Variants in ZNF207 observed in about 807,000 individuals in gnomAD.
The protein encoded by ZNF207 is zinc finger protein 207.
Under a neutral mutation model 60.2 loss-of-function variants are expected in ZNF207, and 24 were observed. The ratio of observed to expected loss-of-function variants is 0.40; its 90% CI spans 0.29 to 0.56. The LOEUF (loss-of-function observed/expected upper bound fraction) is 0.56, where lower values mean the gene tolerates loss of function less well. Among genes scored for constraint, ZNF207 ranks in the 20% least tolerant of loss-of-function variants. ZNF207 has a pLI of 0.49. For synonymous variants in ZNF207, 236 were observed against 194.7 expected (o/e 1.21, Z -1.77); for missense variants, 452 against 636.6 (o/e 0.71, Z 3.12).
chr17:32,351,419 G>A (rs1020988164), intron 1 of ZNF207: 2 of 1,295,288 alleles, frequency 1.5e-6, no homozygotes, highest in African/African-American at 3.0e-5. Context: ...TAATTGTCTT[G>A]ACAGAACCTT....
At position 32,350,188 on chromosome 17, in the gene ZNF207, C is replaced by T. The variant is rs756852155; in HGVS notation, c.-98C>T. On this transcript the variant is annotated 5_prime_UTR_variant, in exon 1 of 12. In the 5' UTR this introduces an upstream ATG that the reference lacks. Coordinates refer to ENST00000394670, the MANE Select transcript of ZNF207 (RefSeq NM_001098507.2). ...CATTTTGTGTCTGCTTCCTGTGGGA[C>T]GTGGTGGTAGCCGTTGGGTTGGGAA... 44 of 1,555,788 alleles carry T rather than the reference C, an allele frequency of 2.8e-5. No homozygotes were observed. Among genetic ancestry groups the T allele is most frequent in the East Asian group, 1.4e-4 (6 of 44,338 alleles).
At chr17:32,362,226 G>A (rs998564060) in intron 6 of ZNF207, among the ~76,000 whole-genome samples, 3 of 152,042 alleles carry the variant, frequency 2.0e-5, no homozygotes, top group Non-Finnish European at 4.4e-5. Context: ...CGCAGTCACA[G>A]CTTACTGCAG....
chr17:32,362,155 TG>T, intron 6 of ZNF207, among the ~76,000 whole-genome samples: 1 of 151,250 alleles, frequency 6.6e-6, no homozygotes, highest in South Asian at 2.1e-4. Flanking sequence ...TGTGTGTGTG[TG>T]TATATGTATG....
rs1433285967 is a variant in ZNF207 at position 32,371,091 on chromosome 17, TTAAAA to T, written c.*1336_*1340del. 5.3e-5 allele frequency: 8 copies of T among 152,232 alleles called. No homozygotes were observed. The highest frequency in any genetic ancestry group is 8.8e-5 in the Non-Finnish European group (6 of 68,040). The allele number at this position is 152,232 out of a possible 1,614,324, so 9.4% of individuals were successfully genotyped here. On this transcript the variant is annotated 3_prime_UTR_variant, in exon 12 of 12. Coordinates refer to ENST00000394670, the MANE Select transcript of ZNF207 (RefSeq NM_001098507.2). The stretch of plus-strand genomic sequence containing the variant: ...ATTCAATATTTTGTGTTGCAACCTC[TTAAAA>T]TAATAGCTCTTGTTGACCTTTTTGG...
Position 32,373,449 on chromosome 17 carries a change from C to CT in ZNF207, c.*3691dup, listed in dbSNP as rs1905553260. The CT allele has an allele frequency of 1.6e-6, 1 of 641,502 alleles. No homozygotes were observed. Among genetic ancestry groups the CT allele is most frequent in the Non-Finnish European group, 2.8e-6 (1 of 353,054 alleles). The allele number at this position is 641,502 out of a possible 1,614,324, so 39.7% of individuals were successfully genotyped here. A position where few individuals can be genotyped will look rare whatever the true frequency, so the allele number is the denominator to read the frequency against. On this transcript the variant is annotated 3_prime_UTR_variant, in exon 12 of 12. Transcript: ENST00000394670. ...GAGTCTCAGTGTTGCCCTGTTCAGT[C>CT]TGAGGCAAGTGGGATTTATTTTATT...
chr17:32,373,329 A>T lies in ZNF207; in HGVS notation c.*3570A>T, dbSNP rs540745138. 3.5e-4 allele frequency: 219 copies of T among 630,642 alleles called. No individual in the cohort carries two copies. The highest frequency in any genetic ancestry group is 3.2e-3 in the African/African-American group (172 of 54,148). The allele number at this position is 630,642 out of a possible 1,614,324, so 39.1% of individuals were successfully genotyped here. A position where few individuals can be genotyped will look rare whatever the true frequency, so the allele number is the denominator to read the frequency against. ...ATCATTGGGATTTTTAAAAAAAAAAATTTTAATGCATGTCTTTTAAATTAA... is the reference window on the plus strand; with the variant it reads ...ATCATTGGGATTTTTAAAAAAAAAATTTTTAATGCATGTCTTTTAAATTAA... On this transcript the variant is annotated 3_prime_UTR_variant, in exon 12 of 12. Coordinates refer to ENST00000394670, the MANE Select transcript of ZNF207 (RefSeq NM_001098507.2).
Position 32,367,851 on chromosome 17 carries a change from C to T in ZNF207, c.1001C>T (p.Pro334Leu), listed in dbSNP as rs748546549. The change falls in exon 10 of 12, where the codon CCA becomes CTA. Residue 334 changes from proline to leucine, a missense_variant. Physicochemically the swap from Pro to Leu is moderately conservative, Grantham distance 98. Coordinates refer to ENST00000394670, the MANE Select transcript of ZNF207 (RefSeq NM_001098507.2). Reference sequence around the variant, plus strand: ...ACCCCTGCAACAACTACAGAACCCCCAAAGCCTACATTCCCTGCTTATACA... The same window carrying T: ...ACCCCTGCAACAACTACAGAACCCCTAAAGCCTACATTCCCTGCTTATACA... ...NSTPATTTEP[P>L]KPTFPAYTQS... is the part of the protein sequence containing the mutation. The T allele has an allele frequency of 6.2e-7, 1 of 1,614,150 alleles. No homozygotes were observed. The highest frequency in any genetic ancestry group is 1.1e-5 in the South Asian group (1 of 91,088).
chr17:32,357,607 A>G (rs1904622740), intron 2 of ZNF207, among the ~76,000 whole-genome samples: 1 of 151,392 alleles, frequency 6.6e-6, no homozygotes, highest in Admixed American at 6.6e-5. Context: ...TCGGCCTCCC[A>G]AAGTGCTGGG....
chr17:32,366,188 A>T (rs184257968), intron 8 of ZNF207, among the ~76,000 whole-genome samples: 6 of 152,154 alleles, frequency 3.9e-5, no homozygotes, highest in East Asian at 3.9e-4. Context: ...AGATTTTTTT[A>T]AATTGCTTTT....
chr17:32,354,040 A>G (rs1679478901), intron 2 of ZNF207, among the ~76,000 whole-genome samples: 1 of 151,742 alleles, frequency 6.6e-6, no homozygotes, highest in African/African-American at 2.4e-5. Flanking sequence ...TGGAGTGCAG[A>G]TCATAGCTCA....
At chr17:32,367,242 TATA>T (rs1905212776) in intron 9 of ZNF207, among the ~76,000 whole-genome samples, 2 of 43,870 alleles carry the variant, frequency 4.6e-5, no homozygotes, top group South Asian at 7.8e-4. Context: ...GAGGGGATTA[TATA>T]TATATATATA....
rs1905536069 is a variant in ZNF207 at position 32,372,956 on chromosome 17, CT to C, written c.*3201del. 1.3e-5 allele frequency: 2 copies of C among 152,536 alleles called. No homozygotes were observed. Among genetic ancestry groups the C allele is most frequent in the Admixed American group, 6.5e-5 (1 of 15,274 alleles). The allele number at this position is 152,536 out of a possible 1,614,324, so 9.4% of individuals were successfully genotyped here. A position where few individuals can be genotyped will look rare whatever the true frequency, so the allele number is the denominator to read the frequency against. ...CTTTGGCTCTACCTTACATCCACCCCTTTTAGAAAAACAAGAAAACATTTTG... is the reference window on the plus strand; with the variant it reads ...CTTTGGCTCTACCTTACATCCACCCCTTTAGAAAAACAAGAAAACATTTTG... On this transcript the variant is annotated 3_prime_UTR_variant, in exon 12 of 12. Coordinates refer to ENST00000394670, the MANE Select transcript of ZNF207 (RefSeq NM_001098507.2).
In ZNF207 at chr17:32,380,542, TCTG is replaced by T. The variant is rs1169764946; in HGVS notation, c.*10784_*10786del. 6 of 152,246 alleles carry T rather than the reference TCTG, an allele frequency of 3.9e-5. No homozygotes were observed. The highest frequency in any genetic ancestry group is 1.4e-4 in the African/African-American group (6 of 41,472). 9.4% of individuals were successfully genotyped at this position (152,246 alleles called of 1,614,324 possible). A position where few individuals can be genotyped will look rare whatever the true frequency, so the allele number is the denominator to read the frequency against. ...GATGGCTTTCAGTTTATTTAAGTCT[TCTG>T]TTTTTCAGCTCCAGTTAAAACTGAC... On this transcript the variant is annotated 3_prime_UTR_variant, in exon 12 of 12. Coordinates refer to ENST00000394670, the MANE Select transcript of ZNF207 (RefSeq NM_001098507.2).
chr17:32,380,436 T>C lies in ZNF207; in HGVS notation c.*10677T>C, dbSNP rs372038402. On this transcript the variant is annotated 3_prime_UTR_variant, in exon 12 of 12. Coordinates refer to ENST00000394670, the MANE Select transcript of ZNF207 (RefSeq NM_001098507.2). Reference sequence around the variant, plus strand: ...AAATACTAATTTTATATTTCAAGCTTTTTGCAGGGTAGAAATAAGTGGCTG... The same window carrying C: ...AAATACTAATTTTATATTTCAAGCTCTTTGCAGGGTAGAAATAAGTGGCTG... 1 of 152,202 alleles carries C rather than the reference T, an allele frequency of 6.6e-6. No homozygotes were observed. The highest frequency in any genetic ancestry group is 1.9e-4 in the East Asian group (1 of 5,202). 9.4% of individuals were successfully genotyped at this position (152,202 alleles called of 1,614,324 possible).
In ZNF207 at chr17:32,378,451, G is replaced by A. The variant is rs1400714999; in HGVS notation, c.*8692G>A. ...ATAAGCTAGAATATGTTTTTATAATGCTTTTTTGTTCTTTTAGCAACACTT... is the reference window on the plus strand; with the variant it reads ...ATAAGCTAGAATATGTTTTTATAATACTTTTTTGTTCTTTTAGCAACACTT... On this transcript the variant is annotated 3_prime_UTR_variant, in exon 12 of 12. Transcript: ENST00000394670. 3 of 151,916 alleles carry A rather than the reference G, an allele frequency of 2.0e-5. No individual in the cohort carries two copies. Among genetic ancestry groups the A allele is most frequent in the Admixed American group, 2.0e-4 (3 of 15,240 alleles). 9.4% of individuals were successfully genotyped at this position (151,916 alleles called of 1,614,324 possible). A position where few individuals can be genotyped will look rare whatever the true frequency, so the allele number is the denominator to read the frequency against.
intron 2 of ZNF207, among the ~76,000 whole-genome samples, chr17:32,357,348 A>G (rs12949654): frequency 1.3e-5 from 1 of 77,692 alleles, no homozygotes. Flanking sequence ...TATTATTATT[A>G]TTATTTTTTT....
chr17:32,363,322 A>G (rs1161383666), intron 7 of ZNF207, among the ~76,000 whole-genome samples: 1 of 151,954 alleles, frequency 6.6e-6, no homozygotes, highest in Non-Finnish European at 1.5e-5. Context: ...TTCTGACCTC[A>G]GGTGATCCAC....
At chr17:32,366,140 A>G (rs1410487808) in intron 8 of ZNF207, among the ~76,000 whole-genome samples, 2 of 152,134 alleles carry the variant, frequency 1.3e-5, no homozygotes, top group Non-Finnish European at 2.9e-5. Context: ...TTAGATCGGG[A>G]TGTATGTTTA....
chr17:32,363,233 G>A (rs1597782217), intron 7 of ZNF207, among the ~76,000 whole-genome samples: 2 of 152,090 alleles, frequency 1.3e-5, no homozygotes. Flanking sequence ...GATTACAGGC[G>A]CCTGCTACCA....
Sources: allele counts gnomAD v4.1 joint callset (sites outside exome capture counted in the v4.1 genomes callset), GRCh38; gene constraint gnomAD v4.1.1; transcripts MANE v1.5; gene names NCBI Gene and HGNC (gene_info 2026-07-23, HGNC 2026-07-21).